The following NAF1 variants were observed in gnomAD, a reference collection of about 807,000 sequenced individuals.
The protein encoded by NAF1 is H/ACA ribonucleoprotein complex non-core subunit NAF1.
Under a neutral mutation model 40.6 loss-of-function variants are expected in NAF1, and 11 were observed. That is an observed-to-expected ratio of 0.27 (90% CI 0.17 to 0.45). The LOEUF (loss-of-function observed/expected upper bound fraction) is 0.45. Among genes scored for constraint, NAF1 ranks in the 20% least tolerant of loss-of-function variants. NAF1 has a pLI of 1.00. For missense variants in NAF1, 607 were observed against 611.1 expected, an observed-to-expected ratio of 0.99 and a Z score of 0.07; for synonymous variants, 260 against 228.5, an observed-to-expected ratio of 1.14 and a Z score of -1.24.
chr4:163,155,376 T>C (rs971436391), intron 2 of NAF1, among the ~76,000 whole-genome samples: 9 of 152,248 alleles, frequency 5.9e-5, no homozygotes, highest in African/African-American at 1.9e-4. Context: ...TAGCACATAG[T>C]AGGTATTTAG....
chr4:163,147,361 G>A (rs1036541313), intron 3 of NAF1, among the ~76,000 whole-genome samples: 17 of 152,150 alleles, frequency 1.1e-4, no homozygotes, highest in Non-Finnish European at 2.1e-4. Flanking sequence ...GAGGCTGGTG[G>A]GCAATCTAGG....
chr4:163,120,530 T>C (rs143654236), intron 2 of NAF1, among the ~76,000 whole-genome samples: 5 of 152,200 alleles, frequency 3.3e-5, no homozygotes, highest in Non-Finnish European at 5.9e-5. Flanking sequence ...CTGTAAGATA[T>C]GCAATGTAAA....
intron 6 of NAF1, chr4:163,136,423 T>A (rs929895324): frequency 6.6e-6 from 1 of 151,236 alleles, no homozygotes; most frequent in African/African-American, 2.4e-5. Flanking sequence ...GTATAATTTT[T>A]ACTTATAAAA....
chr4:163,115,756 G>T (rs1443231917), intron 2 of NAF1, among the ~76,000 whole-genome samples: 1 of 152,098 alleles, frequency 6.6e-6, no homozygotes, highest in African/African-American at 2.4e-5. Flanking sequence ...AAGAAGTCAA[G>T]TTCTTTCAAT....
At chr4:163,148,804 A>G (rs139810400) in intron 2 of NAF1, among the ~76,000 whole-genome samples, 62 of 152,304 alleles carry the variant, frequency 4.1e-4, no homozygotes, top group Non-Finnish European at 6.9e-4. Context: ...ACTAGTAACT[A>G]TAATTTCTCC....
chr4:163,152,246 A>C (rs369620973), intron 2 of NAF1, among the ~76,000 whole-genome samples: 9 of 152,224 alleles, frequency 5.9e-5, no homozygotes, highest in African/African-American at 1.9e-4. Context: ...AAATTTTTAA[A>C]ATCAGAAATA....
intron 2 of NAF1, among the ~76,000 whole-genome samples, chr4:163,158,957 A>G (rs1199756878): frequency 6.6e-6 from 1 of 152,114 alleles, no homozygotes; most frequent in Non-Finnish European, 1.5e-5. Flanking sequence ...CTCTGGTGCT[A>G]CTTTGCTTTC....
At position 163,166,583 on chromosome 4, in the gene NAF1, C is replaced by G; in HGVS notation, c.145G>C (p.Gly49Arg). ...ACGGTCTGCCCAGCGTCCGGGGACC[C>G]CTCAAACGACTGTAGCGGCGGCTGT... is the stretch of plus-strand genomic sequence containing the variant. The part of the protein sequence containing the change: ...GTQPPLQSFE[G>R]SPDAGQTVEV... The change falls in exon 1 of 8, where the codon GGG becomes CGG. Residue 49 changes from glycine (G) to arginine (R), a missense_variant. Physicochemically the swap from Gly to Arg is moderately radical, Grantham distance 125. This residue lies in a region of NAF1 where 407 missense variants were observed against 365.5 expected (regional missense o/e 1.11). Coordinates refer to ENST00000274054, the MANE Select transcript of NAF1 (RefSeq NM_138386.3). 1 of 1,610,906 alleles carries G rather than the reference C, an allele frequency of 6.2e-7. No individual in the cohort carries two copies. Among genetic ancestry groups the G allele is most frequent in the South Asian group, 1.1e-5 (1 of 90,724 alleles).
chr4:163,166,360 G>A lies in NAF1; in HGVS notation c.365+3C>T. Reference sequence around the variant, plus strand: ...ACAGCTCCGGGTCCCTTAGGCACCCGACCTGTCCGAGTCCGAATCCGAGTC... The same window carrying A: ...ACAGCTCCGGGTCCCTTAGGCACCCAACCTGTCCGAGTCCGAATCCGAGTC... On this transcript the variant is annotated splice_donor_region_variant and intron_variant, in intron 1 of 7. Transcript: ENST00000274054. 6.3e-7 allele frequency: 1 copy of A among 1,591,572 alleles called. No homozygotes were observed. Among genetic ancestry groups the A allele is most frequent in the Non-Finnish European group, 8.6e-7 (1 of 1,168,366 alleles).
At position 163,164,381 on chromosome 4, in the gene NAF1, A is replaced by G. The variant is rs1732359308; in HGVS notation, c.376T>C (p.Ser126Pro). ...GAAGACGATGAACTTGAACTATCTG[A>G]ATCTGTTTCACTGTAGGGAAGAAAA... The part of the protein sequence containing the change: ...SDSDSDSETD[S>P]DSSSSSSSSS... The change falls in exon 2 of 8, where the codon TCA becomes CCA. Residue 126 changes from serine to proline, a missense_variant. Ser to Pro is a moderately conservative substitution (Grantham distance 74). This residue lies in a region of NAF1 where 407 missense variants were observed against 365.5 expected (regional missense o/e 1.11). Transcript: ENST00000274054. 21 of 1,568,864 alleles carry G rather than the reference A, an allele frequency of 1.3e-5. No homozygotes were observed. The highest frequency in any genetic ancestry group is 1.8e-5 in the Non-Finnish European group (21 of 1,159,006).
At chr4:163,124,643 A>C (rs1730603335), downstream of NAF1, among the ~76,000 whole-genome samples, 2 of 152,192 alleles carry the variant, frequency 1.3e-5, no homozygotes, top group African/African-American at 4.8e-5. Context: ...GAACCCACAG[A>C]TGCAGAACCC....
At chr4:163,114,062 T>C (rs1205025906) in intron 2 of NAF1, among the ~76,000 whole-genome samples, 1 of 152,198 alleles carries the variant, frequency 6.6e-6, no homozygotes, top group Non-Finnish European at 1.5e-5. Context: ...CATACACCAA[T>C]GTGTGGGAAA....
chr4:163,136,487 A>T (rs781142579), intron 6 of NAF1, among the ~76,000 whole-genome samples: 44 of 151,674 alleles, frequency 2.9e-4, no homozygotes, highest in Non-Finnish European at 5.9e-4. Flanking sequence ...ATTTTTAAGA[A>T]ATGAATATAT....
chr4:163,145,605 A>G (rs1731433637), intron 4 of NAF1, among the ~76,000 whole-genome samples, 177 bp downstream of exon 4: 1 of 152,166 alleles, frequency 6.6e-6, no homozygotes, highest in Admixed American at 6.5e-5. Context: ...ATCAGTATTA[A>G]ACCAATTTAC....
intron 2 of NAF1, among the ~76,000 whole-genome samples, chr4:163,112,986 G>A (rs543601462): frequency 3.3e-5 from 5 of 152,248 alleles, no homozygotes; most frequent in South Asian, 2.1e-4. Flanking sequence ...GGTTTTCTCC[G>A]ATCACGTTCA....
chr4:163,155,321 C>G (rs940991934), intron 2 of NAF1, among the ~76,000 whole-genome samples: 1 of 152,154 alleles, frequency 6.6e-6, no homozygotes, highest in Non-Finnish European at 1.5e-5. Context: ...CCAATCATAA[C>G]GAGGACCCAG....
At chr4:163,149,427 A>C (rs1039981286) in intron 2 of NAF1, among the ~76,000 whole-genome samples, 4 of 152,196 alleles carry the variant, frequency 2.6e-5, no homozygotes, top group Admixed American at 6.5e-5. Flanking sequence ...CGGAAACTTA[A>C]ACTAGGTTCT....
chr4:163,134,665 C>T (rs767972646), intron 6 of NAF1, among the ~76,000 whole-genome samples: 15 of 151,976 alleles, frequency 9.9e-5, no homozygotes, highest in African/African-American at 3.6e-4. Flanking sequence ...ATGGATAACC[C>T]AACAGAAATA....
At chr4:163,122,113 C>T (rs2110842106), downstream of NAF1, among the ~76,000 whole-genome samples, 1 of 152,266 alleles carries the variant, frequency 6.6e-6, no homozygotes, top group East Asian at 1.9e-4. Flanking sequence ...ATATTTGAGA[C>T]TCTATGTCTC....
Sources: allele counts gnomAD v4.1 joint callset (sites outside exome capture counted in the v4.1 genomes callset), GRCh38; gene constraint gnomAD v4.1.1; regional missense constraint gnomAD v4.1.1; transcripts MANE v1.5; gene names NCBI Gene and HGNC (gene_info 2026-07-23, HGNC 2026-07-21).